ASPSCR1: variants seen among roughly 807,000 people sequenced by gnomAD.
ASPSCR1 encodes the protein tether containing UBX domain for GLUT4.
In ASPSCR1, 55 loss-of-function variants were observed where a neutral mutation model predicts 68.9. The ratio of observed to expected loss-of-function variants is 0.80; its 90% CI spans 0.64 to 1.00. The LOEUF (loss-of-function observed/expected upper bound fraction) is 1.00. Ranked by LOEUF, ASPSCR1 falls within the 50% of genes least tolerant of loss-of-function variation. The pLI is 0.00. For missense variants in ASPSCR1, 765 were observed against 762.2 expected (o/e 1.00, Z -0.04); for synonymous variants, 352 against 332.6 (o/e 1.06, Z -0.63).
At chr17:81,996,152 G>T in intron 6 of ASPSCR1, 87 bp downstream of exon 6, 3 of 1,430,308 alleles carry the variant, frequency 2.1e-6, no homozygotes, top group Non-Finnish European at 2.8e-6. Flanking sequence ...CACGTGGCAA[G>T]TGGGGAGTAG....
At chr17:81,978,161 A>G (rs575054176) in intron 1 of ASPSCR1, 1 of 154,806 alleles carries the variant, frequency 6.5e-6, no homozygotes, top group South Asian at 2.1e-4. Context: ...TGGGGCCTGG[A>G]AGCGATTTTT....
rs1444907418 is a variant in ASPSCR1, at chr17:82,016,984, C to T, written c.1519C>T (p.Pro507Ser). 6 of 1,612,584 alleles carry T rather than the reference C, an allele frequency of 3.7e-6. No homozygotes were observed. In the South Asian group the frequency reaches 6.6e-5, roughly 18 times the overall value. Residue 507 changes from proline (P) to serine (S), a missense_variant, in exon 15 of 16, where the codon CCT (proline) becomes TCT (serine). Transcript: ENST00000306739. ...CGGGTCCCCTTCCCCATTGCCAGCC[C>T]CTGACCCTGCACCTAAGTCTGAGCC... ...AAGSPSPLPA[P>S]DPAPKSEPAA...
intron 2 of ASPSCR1, among the ~76,000 whole-genome samples, chr17:81,981,404 A>C (rs1225050130): frequency 6.6e-6 from 1 of 152,090 alleles, no homozygotes. Context: ...TTTGAGGTGG[A>C]GTCTCGCTCT....
At chr17:82,010,123 T>C (rs1475653900) in intron 9 of ASPSCR1, 1 of 293,892 alleles carries the variant, frequency 3.4e-6, no homozygotes. Context: ...AGTTTTACCA[T>C]GTTGGCCCGG....
chr17:81,992,245 G>A (rs1170506030), intron 4 of ASPSCR1, among the ~76,000 whole-genome samples: 5 of 152,198 alleles, frequency 3.3e-5, no homozygotes, highest in Non-Finnish European at 5.9e-5. Context: ...GCGTGGGGGA[G>A]GGGGAGTAGG....
chr17:81,996,037 G>T lies in ASPSCR1; in HGVS notation c.478G>T (p.Gly160Cys). 1.2e-6 allele frequency: 2 copies of T among 1,610,344 alleles called. No homozygotes were observed. The highest frequency in any genetic ancestry group is 8.5e-7 in the Non-Finnish European group (1 of 1,179,140). ...GCGGGGCACGACGCTGCAGTCGCTG[G>T]GCCTGACCGGGGGCAGCGCCACCAT... The part of the protein sequence containing the change: ...ALRGTTLQSL[G>C]LTGGSATIRF... The change falls in exon 6 of 16, where the codon GGC becomes TGC. Residue 160 changes from glycine to cysteine, a missense_variant. Physicochemically the swap from Gly to Cys is radical, Grantham distance 159. Transcript: ENST00000306739.
At chr17:81,985,721 C>T in intron 4 of ASPSCR1, 114 bp downstream of exon 4, 3 of 1,055,330 alleles carry the variant, frequency 2.8e-6, no homozygotes, top group Non-Finnish European at 4.2e-6. Flanking sequence ...CCTGTGGTGC[C>T]TCTTGGCACT....
At chr17:82,012,858 C>T (rs1329459221) in intron 12 of ASPSCR1, 1 of 158,400 alleles carries the variant, frequency 6.3e-6, no homozygotes, top group Non-Finnish European at 1.4e-5. Flanking sequence ...GGTTCCCAGC[C>T]CTGCTGGGCC....
rs779808008 is a variant in ASPSCR1 at position 81,983,362 on chromosome 17, G to A, written c.159-192G>A. On this transcript the variant is annotated intron_variant, in intron 2 of 15. Coordinates refer to ENST00000306739, the MANE Select transcript of ASPSCR1 (RefSeq NM_024083.4). This position sits in a 1 kb window ranked among gnomAD's most constrained non-coding sequence, Gnocchi z 4.4. The stretch of plus-strand genomic sequence containing the variant: ...TCCTGCTCCCTTCTGCTTGCAGGAG[G>A]CCCCATATGATCGGGGACCCGCCTT... Among the ~76,000 whole-genome samples, 2 of 152,018 alleles carry A rather than the reference G, an allele frequency of 1.3e-5. No homozygotes were observed. The highest frequency in any genetic ancestry group is 2.9e-5 in the Non-Finnish European group (2 of 68,006).
intron 7 of ASPSCR1, among the ~76,000 whole-genome samples, chr17:82,000,347 G>A (rs986618746): frequency 3.9e-5 from 6 of 152,226 alleles, no homozygotes; most frequent in Non-Finnish European, 2.9e-5. Context: ...GAGGGGTCCA[G>A]GGGAGGGAGC....
At position 81,977,776 on chromosome 17, in the gene ASPSCR1, G is replaced by C; in HGVS notation, c.102+28G>C. 8.2e-7 allele frequency: 1 copy of C among 1,212,680 alleles called. No individual in the cohort carries two copies. Among genetic ancestry groups the C allele is most frequent in the Non-Finnish European group, 1.0e-6 (1 of 974,580 alleles). 75.1% of individuals were successfully genotyped at this position (1,212,680 alleles called of 1,614,324 possible). On this transcript the variant is annotated intron_variant, in intron 1 of 15. Transcript: ENST00000306739. This position sits in a 1 kb window ranked among gnomAD's most constrained non-coding sequence, Gnocchi z 5.0. ...GCGGCCGCCCGCCCGGGGCGGACGG[G>C]TAGGCGGGCGGGGGGCGCTGCGCCG...
chr17:81,984,812 C>T (rs1172913346), intron 3 of ASPSCR1, among the ~76,000 whole-genome samples: 5 of 147,590 alleles, frequency 3.4e-5, no homozygotes, highest in South Asian at 2.2e-4. Context: ...CCCACATACC[C>T]GCACACCCGT....
chr17:82,000,112 AC>A (rs1302843740), intron 7 of ASPSCR1, among the ~76,000 whole-genome samples: 1 of 152,148 alleles, frequency 6.6e-6, no homozygotes, highest in Admixed American at 6.5e-5. Flanking sequence ...GCAGGGGCTG[AC>A]CCCCTCTAGG....
Position 81,986,628 on chromosome 17 carries a change from G to A in ASPSCR1, c.374+1021G>A, listed in dbSNP as rs1684907785. On this transcript the variant is annotated intron_variant, in intron 4 of 15. Coordinates refer to ENST00000306739, the MANE Select transcript of ASPSCR1 (RefSeq NM_024083.4). This position sits in a 1 kb window ranked among gnomAD's most constrained non-coding sequence, Gnocchi z 5.2. ...GGGCTGGGGTTTGCTGTGAGCCAGG[G>A]GGTTCTCGCCCTCCCCGGGCCTCAG... Among the ~76,000 whole-genome samples the A allele has an allele frequency of 6.6e-6, 1 of 151,412 alleles. No homozygotes were observed. The highest frequency in any genetic ancestry group is 2.4e-5 in the African/African-American group (1 of 40,952).
In ASPSCR1 at chr17:81,996,966, G is replaced by A. The variant is rs1238510993; in HGVS notation, c.933+120G>A. The A allele has an allele frequency of 7.3e-6, 11 of 1,501,366 alleles. No homozygotes were observed. In the South Asian group the frequency reaches 8.3e-5, roughly 11 times the overall value. The allele number at this position is 1,501,366 out of a possible 1,614,324, so 93.0% of individuals were successfully genotyped here. A position where few individuals can be genotyped will look rare whatever the true frequency, so the allele number is the denominator to read the frequency against. On this transcript the variant is annotated intron_variant, in intron 7 of 15. Coordinates refer to ENST00000306739, the MANE Select transcript of ASPSCR1 (RefSeq NM_024083.4). Reference sequence around the variant, plus strand: ...GTGATGCGGGCAGAGGAACCCAAACGCGCAGAGGAACCCAAACGCGGGGCT... The same window carrying A: ...GTGATGCGGGCAGAGGAACCCAAACACGCAGAGGAACCCAAACGCGGGGCT...
chr17:81,986,709 A>T lies in ASPSCR1; in HGVS notation c.374+1102A>T, dbSNP rs1598393205. Among the ~76,000 whole-genome samples, 1 of 127,584 alleles carries T rather than the reference A, an allele frequency of 7.8e-6. No homozygotes were observed. The highest frequency in any genetic ancestry group is 3.6e-5 in the African/African-American group (1 of 27,782). The allele number at this position is 127,584 out of a possible 152,430, so 83.7% of individuals were successfully genotyped here. A position where few individuals can be genotyped will look rare whatever the true frequency, so the allele number is the denominator to read the frequency against. On this transcript the variant is annotated intron_variant, in intron 4 of 15. Transcript: ENST00000306739. The surrounding 1 kb of genome is among the most constrained non-coding windows in gnomAD (Gnocchi z 5.2). Reference sequence around the variant, plus strand: ...GATGGGGTGAGTTCATGTCTTGAGGACCGAGCATAGGGCCTGTGGGAAGGT... The same window carrying T: ...GATGGGGTGAGTTCATGTCTTGAGGTCCGAGCATAGGGCCTGTGGGAAGGT...
intron 3 of ASPSCR1, among the ~76,000 whole-genome samples, chr17:81,985,162 A>C (rs1233066665): frequency 6.9e-6 from 1 of 144,302 alleles, no homozygotes; most frequent in Non-Finnish European, 1.5e-5. Flanking sequence ...ACATGCGCAC[A>C]CCTGCACACA....
intron 8 of ASPSCR1, 127 bp downstream of exon 8, chr17:82,009,318 A>G: frequency 7.1e-7 from 1 of 1,407,502 alleles, no homozygotes; most frequent in Non-Finnish European, 9.5e-7. Context: ...GCTGCCCTTA[A>G]CAGGACCTCA....
intron 2 of ASPSCR1, among the ~76,000 whole-genome samples, chr17:81,979,732 T>C (rs1484365226): frequency 6.6e-6 from 1 of 152,176 alleles, no homozygotes; most frequent in Non-Finnish European, 1.5e-5. Flanking sequence ...AGTGGGGCTC[T>C]GAGGGGAAAG....
Sources: allele counts gnomAD v4.1 joint callset (sites outside exome capture counted in the v4.1 genomes callset), GRCh38; gene constraint gnomAD v4.1.1; non-coding constraint Gnocchi (gnomAD v3.1); transcripts MANE v1.5; gene names NCBI Gene and HGNC (gene_info 2026-07-23, HGNC 2026-07-21).